The following CACNA2D3 variants were observed in gnomAD, a reference collection of about 807,000 sequenced individuals.
CACNA2D3 encodes the protein voltage-dependent calcium channel subunit alpha-2/delta-3.
Under a neutral mutation model 160.6 loss-of-function variants are expected in CACNA2D3, and 60 were observed. The observed-to-expected ratio is 0.37, with a 90% confidence interval of 0.30 to 0.46. The LOEUF is 0.46. CACNA2D3 is among the 20% of genes least tolerant of loss of function. The probability of loss-of-function intolerance (pLI) is 1.00; values close to 1 mark genes in which losing one functional copy is unlikely to be tolerated. For missense variants in CACNA2D3, 1,205 were observed against 1,365.0 expected, an observed-to-expected ratio of 0.88 and a Z score of 1.85; for synonymous variants, 558 against 492.9, an observed-to-expected ratio of 1.13 and a Z score of -1.75.
In CACNA2D3 at chr3:54,751,449, G is replaced by A. The variant is rs772983157; in HGVS notation, c.1168-1150G>A. Among the ~76,000 whole-genome samples, 2 of 147,236 alleles carry A rather than the reference G, an allele frequency of 1.4e-5. 1 individual carries two copies. Among genetic ancestry groups the A allele is most frequent in the Admixed American group, 1.3e-4 (2 of 14,996 alleles). ...TATTCATTTTTATAATCCACTGTAA[G>A]CGTTTTTTGTGTTTTTTTTAATCTC... On this transcript the variant is annotated intron_variant, in intron 11 of 37. Coordinates refer to ENST00000474759, the MANE Select transcript of CACNA2D3 (RefSeq NM_018398.3).
At position 54,879,018 on chromosome 3, in the gene CACNA2D3, T is replaced by C; in HGVS notation, c.1711T>C (p.Leu571=). ...ACACACTTTTCTTTTATCATTTTAG[T>C]TGAGAAATGCTATGGTGAATCGAAA... The part of the protein sequence containing the change: ...EVEWEDRDDV[L]RNAMVNRKTG... Residue 571 remains leucine, a splice_region_variant and synonymous_variant, in exon 19 of 38, where the codon TTG becomes CTG. Transcript: ENST00000474759. 1 of 1,593,134 alleles carries C rather than the reference T, an allele frequency of 6.3e-7. No homozygotes were observed. The highest frequency in any genetic ancestry group is 8.5e-7 in the Non-Finnish European group (1 of 1,169,660).
chr3:54,151,804 C>T (rs1700156446), intron 2 of CACNA2D3, among the ~76,000 whole-genome samples: 1 of 152,182 alleles, frequency 6.6e-6, no homozygotes, highest in Admixed American at 6.5e-5. Flanking sequence ...CTTCAGCCGC[C>T]TTTTCTGGAC....
Position 54,444,959 on chromosome 3 carries a change from C to T in CACNA2D3, c.381+58185C>T, listed in dbSNP as rs144197680. Reference sequence around the variant, plus strand: ...CCTCCATGAAGCCGTCTTCTCATTTCTACCCTCTCCCAACCCCCTTAAACA... The same window carrying T: ...CCTCCATGAAGCCGTCTTCTCATTTTTACCCTCTCCCAACCCCCTTAAACA... On this transcript the variant is annotated intron_variant, in intron 4 of 37. Transcript: ENST00000474759. 3.3e-4 allele frequency among the ~76,000 whole-genome samples: 51 copies of T among 152,378 alleles called. 1 individual carries two copies. The East Asian group carries it at 9.2e-3, about 28-fold the overall frequency.
intron 2 of CACNA2D3, among the ~76,000 whole-genome samples, chr3:54,168,666 A>G (rs1044542305): frequency 2.0e-5 from 3 of 152,194 alleles, no homozygotes; most frequent in African/African-American, 7.2e-5. Context: ...GCATGGGACC[A>G]GGCCACTCCT....
intron 3 of CACNA2D3, among the ~76,000 whole-genome samples, chr3:54,343,142 T>C (rs561858918): frequency 3.9e-5 from 6 of 152,258 alleles, no homozygotes; most frequent in African/African-American, 1.4e-4. Flanking sequence ...CTTGGGAAAA[T>C]TTGTTTAACC....
intron 4 of CACNA2D3, among the ~76,000 whole-genome samples, chr3:54,392,756 C>T (rs1699303179): frequency 6.6e-6 from 1 of 152,152 alleles, no homozygotes; most frequent in Non-Finnish European, 1.5e-5. Context: ...CTTACTCTAC[C>T]TGCTTACCTG....
chr3:54,399,558 TC>T (rs1699409224), intron 4 of CACNA2D3, among the ~76,000 whole-genome samples: 2 of 22,168 alleles, frequency 9.0e-5, no homozygotes, highest in Admixed American at 5.3e-4. Flanking sequence ...CAGCTGCAGG[TC>T]TGTTGGAATA....
At chr3:55,031,878 A>T (rs1012911172) in intron 35 of CACNA2D3, among the ~76,000 whole-genome samples, 1 of 152,224 alleles carries the variant, frequency 6.6e-6, no homozygotes, top group Non-Finnish European at 1.5e-5. Context: ...GGATAAAATC[A>T]TTGTATCAGA....
In CACNA2D3 at chr3:54,503,638, G is replaced by A. The variant is rs745357128; in HGVS notation, c.528G>A (p.Thr176=). ...NISLSDVQVP[T]NMYNKDPAIV... is the part of the protein sequence containing the mutation. ...GTCTAAGTGACGTCCAAGTACCAAC[G>A]AACATGTACAACAAAGGTAAGACTC... The change falls in exon 5 of 38, where the codon ACG becomes ACA. Residue 176 remains threonine (T), a synonymous_variant. Transcript: ENST00000474759. The A allele has an allele frequency of 9.9e-6, 16 of 1,613,638 alleles. No homozygotes were observed. Among genetic ancestry groups the A allele is most frequent in the Middle Eastern group, 1.6e-4 (1 of 6,084 alleles).
At chr3:54,750,296 CTT>C (rs1483605111) in intron 11 of CACNA2D3, among the ~76,000 whole-genome samples, 6 of 152,190 alleles carry the variant, frequency 3.9e-5, no homozygotes, top group African/African-American at 1.4e-4. Flanking sequence ...AGACTCATAG[CTT>C]CATTTCCTCA....
intron 11 of CACNA2D3, among the ~76,000 whole-genome samples, chr3:54,725,095 C>T (rs1464404836): frequency 6.6e-6 from 1 of 152,122 alleles, no homozygotes; most frequent in Non-Finnish European, 1.5e-5. Flanking sequence ...CCACTGAACC[C>T]ACAGAAATAC....
At chr3:55,026,340 T>G (rs1358197625) in intron 35 of CACNA2D3, among the ~76,000 whole-genome samples, 1 of 152,204 alleles carries the variant, frequency 6.6e-6, no homozygotes, top group East Asian at 1.9e-4. Context: ...GCTCAGGACT[T>G]GAGTAAACAT....
At chr3:54,222,331 T>A (rs1043833397) in intron 2 of CACNA2D3, among the ~76,000 whole-genome samples, 1 of 152,006 alleles carries the variant, frequency 6.6e-6, no homozygotes, top group East Asian at 1.9e-4. Context: ...CCAGGAAGAG[T>A]TGATGTTTCA....
chr3:54,732,322 A>G (rs778620587), intron 11 of CACNA2D3, among the ~76,000 whole-genome samples: 27 of 152,250 alleles, frequency 1.8e-4, no homozygotes, highest in Admixed American at 1.6e-3. Context: ...AAACACGCAC[A>G]TACACTTACA....
At chr3:54,179,239 G>A (rs984418298) in intron 2 of CACNA2D3, among the ~76,000 whole-genome samples, 1 of 152,202 alleles carries the variant, frequency 6.6e-6, no homozygotes, top group Non-Finnish European at 1.5e-5. Context: ...ACTCAAAGTA[G>A]GAATGTGACC....
intron 2 of CACNA2D3, among the ~76,000 whole-genome samples, chr3:54,182,412 C>G (rs1700800346): frequency 1.3e-5 from 2 of 152,086 alleles, no homozygotes. Flanking sequence ...TAATGTGATA[C>G]TGTAATAAAT....
chr3:54,346,260 C>A (rs951598853), intron 3 of CACNA2D3, among the ~76,000 whole-genome samples: 1 of 152,118 alleles, frequency 6.6e-6, no homozygotes, highest in African/African-American at 2.4e-5. Context: ...GCAACCTGGC[C>A]CACTGCTCTC....
intron 27 of CACNA2D3, among the ~76,000 whole-genome samples, chr3:54,928,567 A>T (rs1276957208): frequency 6.6e-6 from 1 of 152,116 alleles, no homozygotes; most frequent in Non-Finnish European, 1.5e-5. Flanking sequence ...ATCTGTGGGG[A>T]TTAGCTGTGT....
rs34225864 is a variant in CACNA2D3 at position 54,493,060 on chromosome 3, CTTTTTTTTTTTTTTTTTTTTT to C, written c.382-10418_382-10398del. Among the ~76,000 whole-genome samples the C allele has an allele frequency of 1.7e-4, 10 of 58,796 alleles. No homozygotes were observed. The South Asian group carries it at 2.6e-3, about 15-fold the overall frequency. The allele number at this position is 58,796 out of a possible 152,430, so 38.6% of individuals were successfully genotyped here. A position where few individuals can be genotyped will look rare whatever the true frequency, so the allele number is the denominator to read the frequency against. On this transcript the variant is annotated intron_variant, in intron 4 of 37. Coordinates refer to ENST00000474759, the MANE Select transcript of CACNA2D3 (RefSeq NM_018398.3). ...TGTATGTGGGAGGTATTGCTCAAAA[CTTTTTTTTTTTTTTTTTTTTT>C]TTTTTTTTTTTTTGGAGACGGAGTC...
Sources: gnomAD v4.1 joint callset for allele counts (sites outside exome capture counted in the v4.1 genomes callset) on GRCh38, gnomAD v4.1.1 for gene constraint, MANE v1.5 for transcripts, NCBI Gene and HGNC (gene_info 2026-07-23, HGNC 2026-07-21) for gene names.